SAMD14: variants seen among roughly 807,000 people sequenced by gnomAD.
The protein encoded by SAMD14 is sterile alpha motif domain containing 14.
In SAMD14, 27 loss-of-function variants were observed where a neutral mutation model predicts 46.2. The observed-to-expected ratio is 0.58, with a 90% confidence interval of 0.43 to 0.81. The LOEUF is 0.81. Among genes scored for constraint, SAMD14 ranks in the 30% least tolerant of loss-of-function variants. The pLI is 0.00. For synonymous variants in SAMD14, 241 were observed against 254.3 expected (o/e 0.95, Z 0.50); for missense variants, 559 against 582.2 (o/e 0.96, Z 0.41).
intron 2 of SAMD14, among the ~76,000 whole-genome samples, chr17:50,119,041 C>T (rs556951744): frequency 7.2e-5 from 11 of 152,308 alleles, no homozygotes; most frequent in African/African-American, 2.6e-4. Flanking sequence ...CGCAGGGTCT[C>T]ACTCAGAGAT....
Position 50,115,298 on chromosome 17 carries a change from G to C in SAMD14, c.822+266C>G, listed in dbSNP as rs529068682. ...GAATGAAGGAAGTCTCCAGCTGGGT[G>C]AACAGTAGGGAATCAGTGTTTAGTG... is the stretch of plus-strand genomic sequence containing the variant. On this transcript the variant is annotated intron_variant, in intron 7 of 9. Transcript: ENST00000330175. The surrounding 1 kb of genome is among the most constrained non-coding windows in gnomAD (Gnocchi z 5.3). 3.0e-4 allele frequency among the ~76,000 whole-genome samples: 46 copies of C among 152,340 alleles called. No individual in the cohort carries two copies. Among genetic ancestry groups the C allele is most frequent in the African/African-American group, 1.1e-3 (45 of 41,584 alleles).
At chr17:50,122,975 T>A (rs1391115286) in intron 2 of SAMD14, among the ~76,000 whole-genome samples, 1 of 151,748 alleles carries the variant, frequency 6.6e-6, no homozygotes, top group African/African-American at 2.4e-5. Flanking sequence ...GAGCCCTCTG[T>A]TCCCAGCCCC....
intron 1 of SAMD14, 84 bp from the exon 2 acceptor site, chr17:50,125,055 G>T: frequency 1.6e-6 from 2 of 1,262,318 alleles, no homozygotes; most frequent in South Asian, 1.2e-5. Flanking sequence ...GATGTGGAAG[G>T]CTACCTGCTC....
At chr17:50,121,032 G>A (rs893472113) in intron 2 of SAMD14, among the ~76,000 whole-genome samples, 33 of 152,294 alleles carry the variant, frequency 2.2e-4, no homozygotes, top group African/African-American at 7.9e-4. Context: ...CTCTACCACA[G>A]GCAGAGAACA....
At chr17:50,125,081 C>T (rs1911704334) in intron 1 of SAMD14, 110 bp from the exon 2 acceptor site, 2 of 916,402 alleles carry the variant, frequency 2.2e-6, no homozygotes, top group Non-Finnish European at 3.5e-6. Flanking sequence ...CTGTTGGCCC[C>T]TCCCCTTACC....
At chr17:50,121,030 CA>C (rs1422432126) in intron 2 of SAMD14, among the ~76,000 whole-genome samples, 2 of 152,252 alleles carry the variant, frequency 1.3e-5, no homozygotes, top group African/African-American at 2.4e-5. Flanking sequence ...TGCTCTACCA[CA>C]GGCAGAGAAC....
Position 50,117,669 on chromosome 17 carries a change from C to A in SAMD14, c.237G>T (p.Leu79=). The change falls in exon 4 of 10, where the codon CTG becomes CTT. Residue 79 remains leucine (L), a synonymous_variant. Coordinates refer to ENST00000330175, the MANE Select transcript of SAMD14 (RefSeq NM_001257359.2). The part of the protein sequence containing the change: ...GKVTDGCGSP[L]HRLRSPLHSG... ...AGTGCAAAGGCGAGCGCAGCCGGTG[C>A]AGGGGGCTCCCGCAGCCATCGGTCA... The A allele has an allele frequency of 6.7e-7, 1 of 1,502,974 alleles. No homozygotes were observed. The highest frequency in any genetic ancestry group is 8.8e-7 in the Non-Finnish European group (1 of 1,135,434). The allele number at this position is 1,502,974 out of a possible 1,614,324, so 93.1% of individuals were successfully genotyped here. A position where few individuals can be genotyped will look rare whatever the true frequency, so the allele number is the denominator to read the frequency against.
At chr17:50,113,829 G>A in intron 9 of SAMD14, 95 bp downstream of exon 9, 1 of 1,490,020 alleles carries the variant, frequency 6.7e-7, no homozygotes, top group Non-Finnish European at 9.2e-7. Flanking sequence ...CCAGGAGGCT[G>A]GGCTGAGGGT....
Position 50,113,939 on chromosome 17 carries a change from G to A in SAMD14, c.1083C>T (p.Asp361=), listed in dbSNP as rs367685385. ...TCTGACCCACCTTTAGTTTGCTTCC[G>A]TCCAGCTGCAGCAGCTGCGGCCCGT... ...QVDGPQLLQL[D]GSKLKSLGLS... is the part of the protein sequence containing the mutation. The change falls in exon 9 of 10, where the codon GAC becomes GAT. Residue 361 remains aspartate (D), a synonymous_variant. Coordinates refer to ENST00000330175, the MANE Select transcript of SAMD14 (RefSeq NM_001257359.2). 63 of 1,613,698 alleles carry A rather than the reference G, an allele frequency of 3.9e-5. No homozygotes were observed. Among genetic ancestry groups the A allele is most frequent in the Admixed American group, 1.8e-4 (11 of 60,004 alleles).
chr17:50,115,994 T>G lies in SAMD14; in HGVS notation c.587+9A>C. ...CCAAGCCCTGCGATCTAGCCCCGCC[T>G]CCACTCACCCCAGGTCCAGGAACTT... On this transcript the variant is annotated intron_variant, in intron 5 of 9. Transcript: ENST00000330175. The surrounding 1 kb of genome is among the most constrained non-coding windows in gnomAD (Gnocchi z 5.3). The G allele has an allele frequency of 6.2e-7, 1 of 1,613,988 alleles. No homozygotes were observed. Among genetic ancestry groups the G allele is most frequent in the Non-Finnish European group, 8.5e-7 (1 of 1,179,882 alleles).
In SAMD14 at chr17:50,111,422, C is replaced by T. The variant is rs117609405; in HGVS notation, c.*1471G>A. On this transcript the variant is annotated 3_prime_UTR_variant, in exon 10 of 10. Transcript: ENST00000330175. ...CTGATGGCTTTAAGGATGTGGGTGC[C>T]TTCCAACCTCCCATGGCCCTGCCAC... 1 of 152,388 alleles carries T rather than the reference C, an allele frequency of 6.6e-6. No homozygotes were observed. The highest frequency in any genetic ancestry group is 1.9e-4 in the East Asian group (1 of 5,192). 9.4% of individuals were successfully genotyped at this position (152,388 alleles called of 1,614,324 possible).
chr17:50,115,636 G>C lies in SAMD14; in HGVS notation c.750C>G (p.Ser250=). The C allele has an allele frequency of 6.2e-7, 1 of 1,606,866 alleles. No homozygotes were observed. The highest frequency in any genetic ancestry group is 1.1e-5 in the South Asian group (1 of 90,034). ...AGGTGGGGGAGGTGGTGCTACCCGAGGATGCTGAGCCCTTGCCGCTGTCCG... is the reference window on the plus strand; with the variant it reads ...AGGTGGGGGAGGTGGTGCTACCCGACGATGCTGAGCCCTTGCCGCTGTCCG... The part of the protein sequence containing the change: ...WFTDSGKGSA[S]SGSTTSPTCS... Residue 250 remains serine (S), a synonymous_variant, in exon 7 of 10, where the codon TCC becomes TCG. Coordinates refer to ENST00000330175, the MANE Select transcript of SAMD14 (RefSeq NM_001257359.2). The surrounding 1 kb of genome is among the most constrained non-coding windows in gnomAD (Gnocchi z 5.3).
intron 1 of SAMD14, among the ~76,000 whole-genome samples, chr17:50,126,606 G>A (rs1347817120): frequency 6.6e-6 from 1 of 151,898 alleles, no homozygotes; most frequent in East Asian, 1.9e-4. Flanking sequence ...CGCCTGGCCT[G>A]GGAATTTTCA....
Position 50,118,238 on chromosome 17 carries a change from G to C in SAMD14, c.133C>G (p.Arg45Gly). The change falls in exon 3 of 10, where the codon CGG (arginine) becomes GGG (glycine). Residue 45 changes from arginine to glycine, a missense_variant. Coordinates refer to ENST00000330175, the MANE Select transcript of SAMD14 (RefSeq NM_001257359.2). The stretch of plus-strand genomic sequence containing the variant: ...TCCCGAAGCCTGGAGCGGGATGGCC[G>C]GTGTCTCCGGCCCTTGGCCAACAGT... ...AQLLAKGRRH[R>G]PSRSRLRDSA... The C allele has an allele frequency of 1.2e-6, 2 of 1,613,778 alleles. No individual in the cohort carries two copies. The highest frequency in any genetic ancestry group is 2.2e-5 in the South Asian group (2 of 91,030).
chr17:50,113,112 C>T, intron 9 of SAMD14, 64 bp from the exon 10 acceptor site: 1 of 1,578,986 alleles, frequency 6.3e-7, no homozygotes, highest in Non-Finnish European at 8.6e-7. Flanking sequence ...CCTCCCACGC[C>T]CAGGCTCCTT....
chr17:50,114,477 G>A, intron 7 of SAMD14, 171 bp from the exon 8 acceptor site: 1 of 1,591,352 alleles, frequency 6.3e-7, no homozygotes, highest in Non-Finnish European at 8.6e-7. Flanking sequence ...TCAGGCATCA[G>A]GACCTGAAGC....
Position 50,112,305 on chromosome 17 carries a change from C to A in SAMD14, c.*588G>T, listed in dbSNP as rs923825016. 1 of 152,288 alleles carries A rather than the reference C, an allele frequency of 6.6e-6. No individual in the cohort carries two copies. The highest frequency in any genetic ancestry group is 2.4e-5 in the African/African-American group (1 of 41,410). The allele number at this position is 152,288 out of a possible 1,614,324, so 9.4% of individuals were successfully genotyped here. ...CACTCGCCCCAGGCTGCTTTCTCTG[C>A]GCTCCTGTTGAGGAGTTTGGCTGGG... On this transcript the variant is annotated 3_prime_UTR_variant, in exon 10 of 10. Coordinates refer to ENST00000330175, the MANE Select transcript of SAMD14 (RefSeq NM_001257359.2).
At chr17:50,128,924 G>A (rs1180684254) in intron 1 of SAMD14, among the ~76,000 whole-genome samples, 5 of 152,228 alleles carry the variant, frequency 3.3e-5, no homozygotes, top group Non-Finnish European at 7.3e-5. Context: ...GCAGGCGATA[G>A]GAAAGGGCCC....
chr17:50,124,751 GCACGCGTGCA>G (rs1204405436), intron 2 of SAMD14, among the ~76,000 whole-genome samples, 156 bp downstream of exon 2: 2 of 111,800 alleles, frequency 1.8e-5, no homozygotes, highest in African/African-American at 3.5e-5. Context: ...CACAATACCT[GCACGCGTGCA>G]CGCGCGCGCG....
Sources: allele counts gnomAD v4.1 joint callset (sites outside exome capture counted in the v4.1 genomes callset), GRCh38; gene constraint gnomAD v4.1.1; non-coding constraint Gnocchi (gnomAD v3.1); transcripts MANE v1.5; gene names NCBI Gene and HGNC (gene_info 2026-07-23, HGNC 2026-07-21).